PTPRD: variants seen among roughly 807,000 people sequenced by gnomAD.
The protein encoded by PTPRD is receptor-type tyrosine-protein phosphatase delta.
In PTPRD, 34 loss-of-function variants were observed where a neutral mutation model predicts 214.5. That is an observed-to-expected ratio of 0.16 (90% CI 0.12 to 0.21). The LOEUF is 0.21. Ranked by LOEUF, PTPRD falls within the 10% of genes least tolerant of loss-of-function variation. The probability of loss-of-function intolerance (pLI) is 1.00; values close to 1 mark genes in which losing one functional copy is unlikely to be tolerated. For missense variants in PTPRD, 2,545 were observed against 2,398.7 expected (o/e 1.06, Z -1.27); for synonymous variants, 1,128 against 845.7 (o/e 1.33, Z -5.79).
intron 19 of PTPRD, 28 bp downstream of exon 19, chr9:8,523,485 G>A (rs1167644923): frequency 1.2e-6 from 2 of 1,611,030 alleles, no homozygotes; most frequent in East Asian, 2.2e-5. Flanking sequence ...GTTTTGTAAG[G>A]TGGGTAAAAA....
At chr9:8,446,252 T>A (rs1038602506) in intron 34 of PTPRD, among the ~76,000 whole-genome samples, 8 of 152,160 alleles carry the variant, frequency 5.3e-5, no homozygotes, top group African/African-American at 1.9e-4. Flanking sequence ...AATGCTATAT[T>A]TATATGAAAT....
intron 9 of PTPRD, among the ~76,000 whole-genome samples, chr9:9,230,243 G>C (rs2099962253): frequency 6.6e-6 from 1 of 152,096 alleles, no homozygotes; most frequent in Admixed American, 6.6e-5. Flanking sequence ...TGAATGATTA[G>C]AATGATTCTA....
At chr9:9,160,795 T>C (rs1303080206) in intron 10 of PTPRD, among the ~76,000 whole-genome samples, 3 of 152,186 alleles carry the variant, frequency 2.0e-5, no homozygotes, top group Admixed American at 2.0e-4. Context: ...CATCAACAGA[T>C]AATAGATTAA....
Position 9,375,433 on chromosome 9 carries a change from T to C in PTPRD, c.-203+22016A>G, listed in dbSNP as rs149310182. 3.1e-3 allele frequency among the ~76,000 whole-genome samples: 464 copies of C among 152,026 alleles called. 2 individuals are homozygous for C. Among genetic ancestry groups the C allele is most frequent in the African/African-American group, 0.011 (436 of 41,480 alleles). ...CAACATGGTGAAACCCCATCTCTACTAAAAATATAAAAATTAGCCAGGCAT... is the reference window on the plus strand; with the variant it reads ...CAACATGGTGAAACCCCATCTCTACCAAAAATATAAAAATTAGCCAGGCAT... On this transcript the variant is annotated intron_variant, in intron 9 of 45. Coordinates refer to ENST00000381196, the MANE Select transcript of PTPRD (RefSeq NM_002839.4).
chr9:9,188,156 G>C (rs1297200405), intron 9 of PTPRD, among the ~76,000 whole-genome samples: 2 of 151,966 alleles, frequency 1.3e-5, no homozygotes, highest in Non-Finnish European at 2.9e-5. Flanking sequence ...ATGTAATCAA[G>C]TATTGCATGT....
chr9:10,433,530 T>C (rs1006003317), intron 2 of PTPRD, among the ~76,000 whole-genome samples: 1 of 151,978 alleles, frequency 6.6e-6, no homozygotes, highest in Non-Finnish European at 1.5e-5. Context: ...CTGATTCACC[T>C]AGGAAGAAAT....
At chr9:8,899,576 C>T (rs541608118) in intron 11 of PTPRD, among the ~76,000 whole-genome samples, 147 of 152,248 alleles carry the variant, frequency 9.7e-4, no homozygotes, top group African/African-American at 3.5e-3. Flanking sequence ...TCCCCCCATC[C>T]TGCAAGTGGT....
intron 2 of PTPRD, among the ~76,000 whole-genome samples, chr9:10,452,477 C>G (rs1460718000): frequency 6.6e-6 from 1 of 151,714 alleles, no homozygotes; most frequent in Non-Finnish European, 1.5e-5. Flanking sequence ...ACACTCTCAC[C>G]AAAACTTGTT....
chr9:8,939,805 A>T (rs2099020077), intron 11 of PTPRD, among the ~76,000 whole-genome samples: 2 of 152,304 alleles, frequency 1.3e-5, no homozygotes, highest in South Asian at 2.1e-4. Flanking sequence ...TACTGATGAT[A>T]ATACAGACAT....
rs2135635354 is a variant in PTPRD, at chr9:8,389,242, T to C, written c.4376A>G (p.Glu1459Gly). The change falls in exon 37 of 46, where the codon GAA becomes GGA. Residue 1459 changes from glutamate (E) to glycine (G), a missense_variant. By Grantham distance (98) the Glu-to-Gly change is moderately conservative. Coordinates refer to ENST00000381196, the MANE Select transcript of PTPRD (RefSeq NM_002839.4). ...ATVVMMTKLEERSRVKCDQYW... is the reference protein window; with the variant it reads ...ATVVMMTKLEGRSRVKCDQYW... Reference sequence around the variant, plus strand: ...GATACTTATTCTTACCCTTGATCTTTCTTCTAGTTTTGTCATCATGACAAC... The same window carrying C: ...GATACTTATTCTTACCCTTGATCTTCCTTCTAGTTTTGTCATCATGACAAC... 3 of 1,609,056 alleles carry C rather than the reference T, an allele frequency of 1.9e-6. No individual in the cohort carries two copies. The highest frequency in any genetic ancestry group is 2.5e-6 in the Non-Finnish European group (3 of 1,177,892).
At chr9:8,751,441 T>G (rs2093522924) in intron 11 of PTPRD, among the ~76,000 whole-genome samples, 1 of 152,152 alleles carries the variant, frequency 6.6e-6, no homozygotes, top group Non-Finnish European at 1.5e-5. Context: ...ATTTTTAGGT[T>G]TCTGAAGTTT....
intron 7 of PTPRD, among the ~76,000 whole-genome samples, chr9:9,696,410 C>A (rs1323124079): frequency 6.6e-6 from 1 of 152,066 alleles, no homozygotes; most frequent in African/African-American, 2.4e-5. Flanking sequence ...GTTGAAGTCC[C>A]ATGCTATTAT....
intron 10 of PTPRD, among the ~76,000 whole-genome samples, chr9:9,048,193 A>C (rs2099677028): frequency 6.6e-6 from 1 of 152,144 alleles, no homozygotes; most frequent in African/African-American, 2.4e-5. Flanking sequence ...ACCCGTGTAC[A>C]CTTTTGGTGG....
intron 14 of PTPRD, among the ~76,000 whole-genome samples, chr9:8,562,755 G>A (rs997327817): frequency 6.6e-6 from 1 of 151,944 alleles, no homozygotes; most frequent in East Asian, 1.9e-4. Context: ...GTTTTGAGGA[G>A]AAAATTTTAA....
chr9:10,233,382 T>G (rs1338173882), intron 3 of PTPRD, among the ~76,000 whole-genome samples: 1 of 152,020 alleles, frequency 6.6e-6, no homozygotes, highest in East Asian at 1.9e-4. Flanking sequence ...GAAGCCTGAA[T>G]AGGGCTAAAG....
At chr9:8,384,775 C>A (rs1375114923) in intron 37 of PTPRD, among the ~76,000 whole-genome samples, 1 of 152,216 alleles carries the variant, frequency 6.6e-6, no homozygotes, top group Non-Finnish European at 1.5e-5. Flanking sequence ...ATCTGCCCGC[C>A]TTGGCCTCTC....
At chr9:9,231,282 A>G (rs1466830475) in intron 9 of PTPRD, among the ~76,000 whole-genome samples, 1 of 152,182 alleles carries the variant, frequency 6.6e-6, no homozygotes, top group Non-Finnish European at 1.5e-5. Flanking sequence ...TGGGAATTAA[A>G]TTTATCTAAA....
intron 5 of PTPRD, among the ~76,000 whole-genome samples, chr9:9,909,408 A>T (rs1040977453): frequency 2.0e-5 from 3 of 151,538 alleles, no homozygotes; most frequent in African/African-American, 7.3e-5. Context: ...TATTGGAAAG[A>T]CTTTAAAATA....
chr9:9,572,053 G>A (rs1362228817), intron 8 of PTPRD, among the ~76,000 whole-genome samples: 1 of 151,016 alleles, frequency 6.6e-6, no homozygotes, highest in African/African-American at 2.4e-5. Context: ...GAAGGAAAAT[G>A]AAAAAACCCT....
Sources: gnomAD v4.1 joint callset for allele counts (sites outside exome capture counted in the v4.1 genomes callset) on GRCh38, gnomAD v4.1.1 for gene constraint, MANE v1.5 for transcripts, NCBI Gene and HGNC (gene_info 2026-07-23, HGNC 2026-07-21) for gene names.